Variants in SORCS2 observed in about 807,000 individuals in gnomAD.
The protein encoded by SORCS2 is sortilin related VPS10 domain containing receptor 2.
Under a neutral mutation model 141.6 loss-of-function variants are expected in SORCS2, and 100 were observed. That is an observed-to-expected ratio of 0.71 (90% CI 0.60 to 0.83). SORCS2 has a LOEUF of 0.83. SORCS2 is among the 40% of genes least tolerant of loss of function. SORCS2 has a pLI of 0.00. For synonymous variants in SORCS2, 789 were observed against 676.9 expected, an observed-to-expected ratio of 1.17 and a Z score of -2.57; for missense variants, 1,646 against 1,560.2, an observed-to-expected ratio of 1.05 and a Z score of -0.93.
rs1727030987 is a variant in SORCS2 at position 7,724,778 on chromosome 4, ATGGTGCTGGTGAGGATGGTGATGG to A, written c.2612-370_2612-347del. Among the ~76,000 whole-genome samples the A allele has an allele frequency of 1.6e-4, 4 of 24,370 alleles. 1 individual carries two copies. The highest frequency in any genetic ancestry group is 7.0e-4 in the Admixed American group (2 of 2,876). The allele number at this position is 24,370 out of a possible 152,430, so 16.0% of individuals were successfully genotyped here. ...GGTGGTGTTGGTGATGATGGTGGTGATGGTGCTGGTGAGGATGGTGATGGTGGTGATGGTGGTGGTGATGGCAGT... is the reference window on the plus strand; with the variant it reads ...GGTGGTGTTGGTGATGATGGTGGTGATGGTGATGGTGGTGGTGATGGCAGT... On this transcript the variant is annotated intron_variant, in intron 19 of 26. Coordinates refer to ENST00000507866, the MANE Select transcript of SORCS2 (RefSeq NM_020777.3).
chr4:7,497,166 G>A (rs1358357222), intron 2 of SORCS2, among the ~76,000 whole-genome samples: 4 of 152,240 alleles, frequency 2.6e-5, no homozygotes, highest in African/African-American at 7.2e-5. Context: ...TCCGCATGGC[G>A]CTCTCTTCCC....
In SORCS2 at chr4:7,741,565, G is replaced by A. The variant is rs1256600297; in HGVS notation, c.*1301G>A. 1 of 256,578 alleles carries A rather than the reference G, an allele frequency of 3.9e-6. No homozygotes were observed. Among genetic ancestry groups the A allele is most frequent in the African/African-American group, 2.3e-5 (1 of 43,650 alleles). 15.9% of individuals were successfully genotyped at this position (256,578 alleles called of 1,614,324 possible). ...ATGACCGTGGCCTCCCTCTCAGAGG[G>A]GGAGAACGCCAGAGCCCTGGCTGGT... is the stretch of plus-strand genomic sequence containing the variant. On this transcript the variant is annotated 3_prime_UTR_variant, in exon 27 of 27. Transcript: ENST00000507866.
At position 7,563,844 on chromosome 4, in the gene SORCS2, G is replaced by A. The variant is rs111434673; in HGVS notation, c.648+32215G>A. ...CATTCTTTTAACTGCTGTGAATTCC[G>A]AGGGCCTTGTTGCTTTTGACTATCG... is the stretch of plus-strand genomic sequence containing the variant. On this transcript the variant is annotated intron_variant, in intron 3 of 26. Transcript: ENST00000507866. Among the ~76,000 whole-genome samples, 76 of 152,294 alleles carry A rather than the reference G, an allele frequency of 5.0e-4. 2 individuals are homozygous for A. The Middle Eastern group carries it at 0.024, about 48-fold the overall frequency.
chr4:7,580,794 C>A (rs1196331999), intron 3 of SORCS2, among the ~76,000 whole-genome samples: 1 of 152,032 alleles, frequency 6.6e-6, no homozygotes, highest in African/African-American at 2.4e-5. Flanking sequence ...TTTCTTCCAT[C>A]GTGTAAAAGT....
intron 2 of SORCS2, among the ~76,000 whole-genome samples, chr4:7,423,690 A>G (rs1726239039): frequency 6.6e-6 from 1 of 152,166 alleles, no homozygotes; most frequent in Non-Finnish European, 1.5e-5. Context: ...AGCACCTGGC[A>G]TGAGTCGGTG....
chr4:7,539,513 G>A (rs1577717137), intron 3 of SORCS2, among the ~76,000 whole-genome samples: 2 of 152,166 alleles, frequency 1.3e-5, no homozygotes, highest in East Asian at 1.9e-4. Flanking sequence ...CCATGTGTAG[G>A]GTAGCTGGCT....
rs1406814589 is a variant in SORCS2 at position 7,193,293 on chromosome 4, G to A, written c.480+167G>A. 1.3e-5 allele frequency among the ~76,000 whole-genome samples: 2 copies of A among 152,332 alleles called. No individual in the cohort carries two copies. The highest frequency in any genetic ancestry group is 2.9e-5 in the Non-Finnish European group (2 of 68,030). On this transcript the variant is annotated intron_variant, in intron 1 of 26. Transcript: ENST00000507866. The surrounding 1 kb of genome is among the most constrained non-coding windows in gnomAD (Gnocchi z 4.8). Reference sequence around the variant, plus strand: ...TCGGCCGCGCCCCTACTGGCCTCTGGTCACTGGTTACTTGGGGAGAGGTCC... The same window carrying A: ...TCGGCCGCGCCCCTACTGGCCTCTGATCACTGGTTACTTGGGGAGAGGTCC...
chr4:7,740,255 G>C lies in SORCS2; in HGVS notation c.3471G>C (p.Leu1157=), dbSNP rs770375783. The C allele has an allele frequency of 3.1e-6, 5 of 1,609,602 alleles. No homozygotes were observed. In the Admixed American group the frequency reaches 6.7e-5, roughly 21 times the overall value. ...SINSREMHSY[L]VS is the part of the protein sequence containing the mutation. ...ACTCCCGAGAGATGCACAGCTACCT[G>C]GTGAGCTGATGCCACCCCAGCATCT... The change falls in exon 27 of 27, where the codon CTG becomes CTC. Residue 1157 remains leucine (L), a synonymous_variant. Transcript: ENST00000507866.
At chr4:7,374,044 C>G (rs1334734104) in intron 1 of SORCS2, among the ~76,000 whole-genome samples, 2 of 152,168 alleles carry the variant, frequency 1.3e-5, no homozygotes, top group African/African-American at 2.4e-5. Context: ...GTTTCAGAGT[C>G]TACATTTAGG....
intron 1 of SORCS2, among the ~76,000 whole-genome samples, chr4:7,389,578 T>A (rs998444366): frequency 1.3e-5 from 2 of 152,180 alleles, no homozygotes; most frequent in Non-Finnish European, 1.5e-5. Flanking sequence ...TGACACTCCC[T>A]GTGTGCCGGC....
intron 1 of SORCS2, among the ~76,000 whole-genome samples, chr4:7,390,616 C>G (rs1723797555): frequency 1.3e-5 from 2 of 152,202 alleles, no homozygotes; most frequent in Non-Finnish European, 2.9e-5. Context: ...GCTGCTGAAT[C>G]AGGCCCCACT....
At chr4:7,603,453 A>G (rs1029437470) in intron 3 of SORCS2, among the ~76,000 whole-genome samples, 1 of 152,076 alleles carries the variant, frequency 6.6e-6, no homozygotes, top group Non-Finnish European at 1.5e-5. Flanking sequence ...GTACCATATC[A>G]CTCAAGAATT....
chr4:7,304,311 G>A (rs555908695), intron 1 of SORCS2, among the ~76,000 whole-genome samples: 4 of 152,254 alleles, frequency 2.6e-5, no homozygotes, highest in Non-Finnish European at 2.9e-5. Flanking sequence ...CATTAGCGAC[G>A]GGGGCAGGTG....
chr4:7,551,117 G>A (rs977285861), intron 3 of SORCS2, among the ~76,000 whole-genome samples: 2 of 152,242 alleles, frequency 1.3e-5, no homozygotes, highest in African/African-American at 4.8e-5. Flanking sequence ...CTTGCCATTT[G>A]TCATGGCAAA....
At chr4:7,325,125 C>A (rs913351656) in intron 1 of SORCS2, among the ~76,000 whole-genome samples, 1 of 152,192 alleles carries the variant, frequency 6.6e-6, no homozygotes, top group Non-Finnish European at 1.5e-5. Flanking sequence ...GGTCCCCAGG[C>A]CCCCTTGGGT....
At chr4:7,487,011 C>G (rs1456505345) in intron 2 of SORCS2, among the ~76,000 whole-genome samples, 1 of 152,244 alleles carries the variant, frequency 6.6e-6, no homozygotes, top group African/African-American at 2.4e-5. Context: ...CGGGAAGCGG[C>G]TGCATTTGCA....
At chr4:7,288,463 G>C (rs1161338760) in intron 1 of SORCS2, among the ~76,000 whole-genome samples, 1 of 150,134 alleles carries the variant, frequency 6.7e-6, no homozygotes, top group Non-Finnish European at 1.5e-5. Context: ...GAGGCTGGAT[G>C]TCCAAGATCA....
chr4:7,283,746 C>T (rs1016378251), intron 1 of SORCS2, among the ~76,000 whole-genome samples: 3 of 151,922 alleles, frequency 2.0e-5, no homozygotes, highest in Non-Finnish European at 4.4e-5. Context: ...GGGGCCCAAG[C>T]AGGAGTTGGG....
At chr4:7,305,379 C>A (rs116457067) in intron 1 of SORCS2, among the ~76,000 whole-genome samples, 1 of 101,162 alleles carries the variant, frequency 9.9e-6, no homozygotes, top group Non-Finnish European at 2.1e-5. Flanking sequence ...TTTTTTTTTT[C>A]TTGGAACACT....
Sources: gnomAD v4.1 joint callset for allele counts (sites outside exome capture counted in the v4.1 genomes callset) on GRCh38, gnomAD v4.1.1 for gene constraint, Gnocchi (gnomAD v3.1) non-coding constraint, MANE v1.5 for transcripts, NCBI Gene and HGNC (gene_info 2026-07-23, HGNC 2026-07-21) for gene names.